Variants in TMF1 observed in about 807,000 individuals in gnomAD.
The protein encoded by TMF1 is TATA element modulatory factor.
A neutral mutation model predicts 126.5 loss-of-function variants in TMF1; 71 were observed. The ratio of observed to expected loss-of-function variants is 0.56; its 90% CI spans 0.46 to 0.68. The LOEUF (loss-of-function observed/expected upper bound fraction) is 0.68, where lower values mean the gene tolerates loss of function less well. Among genes scored for constraint, TMF1 ranks in the 30% least tolerant of loss-of-function variants. The pLI is 0.00. For missense variants in TMF1, 1,259 were observed against 1,253.2 expected (o/e 1.00, Z -0.07); for synonymous variants, 461 against 430.5 (o/e 1.07, Z -0.88).
At chr3:69,024,251 T>A in intron 15 of TMF1, 71 bp from the exon 16 acceptor site, 1 of 1,338,828 alleles carries the variant, frequency 7.5e-7, no homozygotes, top group Non-Finnish European at 9.9e-7. Flanking sequence ...AATATAAAAA[T>A]ATTTAATGTG....
At chr3:69,048,759 T>C (rs1575821445) in intron 1 of TMF1, 197 bp from the exon 2 acceptor site, 3 of 488,850 alleles carry the variant, frequency 6.1e-6, no homozygotes, top group Non-Finnish European at 1.0e-5. Flanking sequence ...GGAAGAAAAC[T>C]GGTGTGGGTC....
Position 69,024,088 on chromosome 3 carries a change from C to T in TMF1, c.3105G>A (p.Val1035=). The change falls in exon 16 of 17, where the codon GTG becomes GTA. Residue 1035 remains valine, a synonymous_variant. Coordinates refer to ENST00000398559, the MANE Select transcript of TMF1 (RefSeq NM_007114.3). ...TNQNDELEEK[V]KEIPKLRTQL... The stretch of plus-strand genomic sequence containing the variant: ...GAGTTCTAAGTTTGGGTATCTCCTT[C>T]ACCTTCTCTTCAAGTTCATCATTTT... The T allele has an allele frequency of 1.2e-6, 2 of 1,609,572 alleles. No homozygotes were observed. The highest frequency in any genetic ancestry group is 1.1e-5 in the South Asian group (1 of 90,290).
chr3:69,038,629 G>A lies in TMF1; in HGVS notation c.2086C>T (p.Leu696Phe). ...LSREMKAKEE[L>F]SAALEKAQEE... ...TGGGCCTTCTCTAATGCTGCAGAAA[G>A]TTCTTCTTTAGCTTTCATTTCACGG... The change falls in exon 8 of 17, where the codon CTT becomes TTT. Residue 696 changes from leucine to phenylalanine, a missense_variant. Physicochemically the swap from Leu to Phe is conservative, Grantham distance 22. Coordinates refer to ENST00000398559, the MANE Select transcript of TMF1 (RefSeq NM_007114.3). 3 of 1,614,158 alleles carry A rather than the reference G, an allele frequency of 1.9e-6. No individual in the cohort carries two copies. The highest frequency in any genetic ancestry group is 1.7e-6 in the Non-Finnish European group (2 of 1,180,004).
Position 69,022,996 on chromosome 3 carries a change from T to C in TMF1, c.*181A>G, listed in dbSNP as rs769890758. ...TAGTTTCAAAAATAAAGTTCAAATA[T>C]TGCACAAAATAATTTAACTGTAAAT... is the stretch of plus-strand genomic sequence containing the variant. On this transcript the variant is annotated 3_prime_UTR_variant, in exon 17 of 17. Transcript: ENST00000398559. 26 of 474,780 alleles carry C rather than the reference T, an allele frequency of 5.5e-5. No individual in the cohort carries two copies. Among genetic ancestry groups the C allele is most frequent in the Non-Finnish European group, 8.7e-5 (24 of 277,182 alleles). The allele number at this position is 474,780 out of a possible 1,614,324, so 29.4% of individuals were successfully genotyped here. A position where few individuals can be genotyped will look rare whatever the true frequency, so the allele number is the denominator to read the frequency against.
Position 69,020,388 on chromosome 3 carries a change from C to T in TMF1, c.*2789G>A, listed in dbSNP as rs1267228078. 6.6e-6 allele frequency: 1 copy of T among 152,032 alleles called. No individual in the cohort carries two copies. The highest frequency in any genetic ancestry group is 1.5e-5 in the Non-Finnish European group (1 of 67,974). The allele number at this position is 152,032 out of a possible 1,614,324, so 9.4% of individuals were successfully genotyped here. ...GAAATGGTAGACTCAGTTTAGCCTC[C>T]CAAGAATTGGAAGGACATCTACAGT... is the stretch of plus-strand genomic sequence containing the variant. On this transcript the variant is annotated 3_prime_UTR_variant, in exon 17 of 17. Coordinates refer to ENST00000398559, the MANE Select transcript of TMF1 (RefSeq NM_007114.3).
Position 69,027,941 on chromosome 3 carries a change from T to C in TMF1, c.2716A>G (p.Arg906Gly). 6.3e-7 allele frequency: 1 copy of C among 1,589,174 alleles called. No individual in the cohort carries two copies. The highest frequency in any genetic ancestry group is 8.6e-7 in the Non-Finnish European group (1 of 1,159,342). Residue 906 changes from arginine to glycine, a missense_variant, in exon 13 of 17, where the codon AGG becomes GGG. Arg to Gly is a moderately radical substitution (Grantham distance 125). Transcript: ENST00000398559. Reference protein sequence around the residue: ...EMERMKVEQERKKAIFTQETI... With the variant: ...EMERMKVEQEGKKAIFTQETI... ...TCTTGAGTAAAAATGGCTTTCTTCC[T>C]TTCTTGTTCAACTTTCATTCTTTCC...
Position 69,042,918 on chromosome 3 carries a change from A to G in TMF1, c.1579-6T>C, listed in dbSNP as rs1310932563. Reference sequence around the variant, plus strand: ...TCTTTTATGTTTTTGATTTCCTAATAAAAAAGAAATCTGTGAATACCGTAA... The same window carrying G: ...TCTTTTATGTTTTTGATTTCCTAATGAAAAAGAAATCTGTGAATACCGTAA... On this transcript the variant is annotated splice_region_variant and splice_polypyrimidine_tract_variant and intron_variant, in intron 4 of 16. Transcript: ENST00000398559. 6.3e-7 allele frequency: 1 copy of G among 1,580,928 alleles called. No individual in the cohort carries two copies. Among genetic ancestry groups the G allele is most frequent in the Non-Finnish European group, 8.7e-7 (1 of 1,151,260 alleles).
chr3:69,035,347 C>A, intron 8 of TMF1: 1 of 510,582 alleles, frequency 2.0e-6, no homozygotes, highest in Non-Finnish European at 3.5e-6. Flanking sequence ...GAAACGCAAA[C>A]AAATATGTAT....
At chr3:69,037,146 T>C (rs1202062187) in intron 8 of TMF1, among the ~76,000 whole-genome samples, 1 of 152,156 alleles carries the variant, frequency 6.6e-6, no homozygotes, top group African/African-American at 2.4e-5. Flanking sequence ...CCCAAGAAGA[T>C]ACATAAATGG....
At position 69,038,937 on chromosome 3, in the gene TMF1, G is replaced by A. The variant is rs199517973; in HGVS notation, c.1900C>T (p.Arg634Cys). 8.4e-5 allele frequency: 136 copies of A among 1,610,630 alleles called. No homozygotes were observed. Among genetic ancestry groups the A allele is most frequent in the Admixed American group, 1.5e-4 (9 of 59,322 alleles). Residue 634 changes from arginine (R) to cysteine (C), a missense_variant, in exon 7 of 17, where the codon CGC becomes TGC. Coordinates refer to ENST00000398559, the MANE Select transcript of TMF1 (RefSeq NM_007114.3). Reference protein sequence around the residue: ...NIKKLNSMVERQEKDLGRLQV... With the variant: ...NIKKLNSMVECQEKDLGRLQV... The stretch of plus-strand genomic sequence containing the variant: ...AGACGGCCAAGATCTTTCTCTTGGC[G>A]TTCTACCATGGAATTTAGTTTTTTA...
At chr3:69,025,948 T>A in intron 14 of TMF1, 48 bp downstream of exon 14, 2 of 1,474,070 alleles carry the variant, frequency 1.4e-6, no homozygotes, top group Non-Finnish European at 1.9e-6. Flanking sequence ...GCATATTTCC[T>A]TTATTATTAT....
intron 9 of TMF1, 67 bp downstream of exon 9, chr3:69,034,956 G>C (rs1030077767): frequency 3.3e-5 from 45 of 1,379,650 alleles, no homozygotes; most frequent in Non-Finnish European, 4.4e-5. Flanking sequence ...ATCCCACTGA[G>C]GAATTCTTTT....
rs1425878069 is a variant in TMF1, at chr3:69,048,104, T to C, written c.601A>G (p.Ile201Val). 1 of 1,614,228 alleles carries C rather than the reference T, an allele frequency of 6.2e-7. No individual in the cohort carries two copies. ...CTTTCCATAGTTGTTTTCACATCAA[T>C]TACACTTTCAGATACTTTCAAACTT... ...TVSLKVSESV[I>V]DVKTTMESIS... The change falls in exon 2 of 17, where the codon ATT (isoleucine) becomes GTT (valine). Residue 201 changes from isoleucine to valine, a missense_variant. By Grantham distance (29) the Ile-to-Val change is conservative. Coordinates refer to ENST00000398559, the MANE Select transcript of TMF1 (RefSeq NM_007114.3).
At chr3:69,036,295 T>C (rs1210081488) in intron 8 of TMF1, among the ~76,000 whole-genome samples, 1 of 151,786 alleles carries the variant, frequency 6.6e-6, no homozygotes, top group Non-Finnish European at 1.5e-5. Context: ...AATCTATCAA[T>C]AAGAAAGAGC....
Position 69,042,842 on chromosome 3 carries a change from T to C in TMF1, c.1649A>G (p.Glu550Gly), listed in dbSNP as rs1303595836. Residue 550 changes from glutamate to glycine, a missense_variant, in exon 5 of 17, where the codon GAG (glutamate) becomes GGG (glycine). Glu to Gly is a moderately conservative substitution (Grantham distance 98). Transcript: ENST00000398559. Reference protein sequence around the residue: ...NSSETADLLKEKDEQIRGLME... With the variant: ...NSSETADLLKGKDEQIRGLME... The stretch of plus-strand genomic sequence containing the variant: ...TAACCCTCGGATCTGCTCATCTTTC[T>C]CTTTCAAAAGGTCTGCAGTTTCACT... 1.2e-6 allele frequency: 2 copies of C among 1,613,768 alleles called. No homozygotes were observed. Among genetic ancestry groups the C allele is most frequent in the Admixed American group, 3.3e-5 (2 of 60,008 alleles).
intron 10 of TMF1, 30 bp downstream of exon 10, chr3:69,033,518 T>C: frequency 6.3e-7 from 1 of 1,594,970 alleles, no homozygotes; most frequent in Non-Finnish European, 8.5e-7. Flanking sequence ...GAAGAGCTTC[T>C]GCATCGAGCA....
rs781368738 is a variant in TMF1 at position 69,030,018 on chromosome 3, G to C, written c.2402-11C>G. On this transcript the variant is annotated splice_polypyrimidine_tract_variant and intron_variant, in intron 10 of 16. Transcript: ENST00000398559. ...AGGTCTGGGATTCACCTGATTACAG[G>C]ACAGAAAAAAAAATCACATACACAT... The C allele has an allele frequency of 2.5e-6, 4 of 1,590,682 alleles. No homozygotes were observed. The highest frequency in any genetic ancestry group is 3.4e-6 in the Non-Finnish European group (4 of 1,171,476).
At chr3:69,042,119 C>T (rs1180006775) in intron 5 of TMF1, among the ~76,000 whole-genome samples, 1 of 152,158 alleles carries the variant, frequency 6.6e-6, no homozygotes, top group Non-Finnish European at 1.5e-5. Context: ...TCACTGCAAC[C>T]TCCACCTCCC....
At chr3:69,031,285 G>T (rs1159581930) in intron 10 of TMF1, among the ~76,000 whole-genome samples, 1 of 151,976 alleles carries the variant, frequency 6.6e-6, no homozygotes, top group Non-Finnish European at 1.5e-5. Flanking sequence ...TTCCAAAAGG[G>T]TAACATTAAG....
Sources: gnomAD v4.1 joint callset for allele counts (sites outside exome capture counted in the v4.1 genomes callset) on GRCh38, gnomAD v4.1.1 for gene constraint, MANE v1.5 for transcripts, NCBI Gene and HGNC (gene_info 2026-07-23, HGNC 2026-07-21) for gene names.